ATAD3B: variants seen among roughly 807,000 people sequenced by gnomAD.
ATAD3B encodes the protein ATPase family AAA domain-containing protein 3B.
ATAD3B carries 59 observed loss-of-function variants against 70.2 expected under a neutral mutation model. That is an observed-to-expected ratio of 0.84 (90% CI 0.68 to 1.04). ATAD3B has a LOEUF of 1.04. Among genes scored for constraint, ATAD3B ranks in the 50% least tolerant of loss-of-function variants. The probability of loss-of-function intolerance (pLI) is 0.00; values close to 1 mark genes in which losing one functional copy is unlikely to be tolerated. For synonymous variants in ATAD3B, 423 were observed against 388.6 expected (o/e 1.09, Z -1.04); for missense variants, 961 against 913.4 (o/e 1.05, Z -0.67).
downstream of ATAD3B, among the ~76,000 whole-genome samples, chr1:1,499,906 T>C (rs1003615473): frequency 4.7e-5 from 7 of 148,320 alleles, no homozygotes; most frequent in African/African-American, 1.5e-4. Context: ...TTTTTTTTTT[T>C]CTTTTTGAGA....
chr1:1,488,309 G>T (rs1369755314), intron 12 of ATAD3B, among the ~76,000 whole-genome samples: 1 of 151,856 alleles, frequency 6.6e-6, no homozygotes, highest in Non-Finnish European at 1.5e-5. Context: ...GAGTGCAGGG[G>T]CGACATCTCC....
At chr1:1,491,025 GC>G (rs1216006239) in intron 15 of ATAD3B, among the ~76,000 whole-genome samples, 18 of 152,004 alleles carry the variant, frequency 1.2e-4, no homozygotes, top group South Asian at 2.1e-4. Context: ...GTCAGGACAG[GC>G]CCCGTGTGAG....
Position 1,486,458 on chromosome 1 carries a change from G to T in ATAD3B, c.1090-86G>T, listed in dbSNP as rs1455416919. 2.4e-4 allele frequency: 386 copies of T among 1,609,824 alleles called. 7 individuals carry two copies. The highest frequency in any genetic ancestry group is 3.0e-4 in the Non-Finnish European group (358 of 1,179,058). On this transcript the variant is annotated intron_variant, in intron 10 of 15. Transcript: ENST00000673477. ...GGCTTCCAGACAGGGACACCCGGCA[G>T]GGGCTCCACACTCCAGGTGGAGTGT...
At position 1,478,669 on chromosome 1, in the gene ATAD3B, T is replaced by A. The variant is rs756651165; in HGVS notation, c.308T>A (p.Leu103His). The A allele has an allele frequency of 6.5e-7, 1 of 1,544,608 alleles. No homozygotes were observed. Among genetic ancestry groups the A allele is most frequent in the South Asian group, 1.2e-5 (1 of 83,716 alleles). Reference sequence around the variant, plus strand: ...GAGTATGAGGCCGCCGTGGAGCAGCTCAAGAGCGAGCAGATCCGGGCGCAG... The same window carrying A: ...GAGTATGAGGCCGCCGTGGAGCAGCACAAGAGCGAGCAGATCCGGGCGCAG... ...LKEYEAAVEQLKSEQIRAQAE... is the reference protein window; with the variant it reads ...LKEYEAAVEQHKSEQIRAQAE... Residue 103 changes from leucine to histidine, a missense_variant, in exon 3 of 16, where the codon CTC becomes CAC. Coordinates refer to ENST00000673477, the MANE Select transcript of ATAD3B (RefSeq NM_031921.6).
Position 1,496,104 on chromosome 1 carries a change from C to T in ATAD3B, c.*287C>T. ...CCAGCCATGGCCAGGGGCCACGGAACCCGGCAGGGGTGTCTGAGGCCGCCC... is the reference window on the plus strand; with the variant it reads ...CCAGCCATGGCCAGGGGCCACGGAATCCGGCAGGGGTGTCTGAGGCCGCCC... On this transcript the variant is annotated 3_prime_UTR_variant, in exon 16 of 16. Coordinates refer to ENST00000673477, the MANE Select transcript of ATAD3B (RefSeq NM_031921.6). 8.5e-7 allele frequency: 1 copy of T among 1,183,408 alleles called. No individual in the cohort carries two copies. The highest frequency in any genetic ancestry group is 1.0e-6 in the Non-Finnish European group (1 of 953,016). 73.3% of individuals were successfully genotyped at this position (1,183,408 alleles called of 1,614,324 possible).
At position 1,480,611 on chromosome 1, in the gene ATAD3B, G is replaced by T. The variant is rs200452402; in HGVS notation, c.445-256G>T. Among the ~76,000 whole-genome samples, 83 of 147,030 alleles carry T rather than the reference G, an allele frequency of 5.6e-4. 6 individuals carry two copies. Among genetic ancestry groups the T allele is most frequent in the African/African-American group, 2.0e-3 (77 of 39,398 alleles). On this transcript the variant is annotated intron_variant, in intron 4 of 15. Transcript: ENST00000673477. ...CAGTGGTGTTGGGAGGTCGGCCCGC[G>T]GTGGCCCTTGTCAGGGAAGCCACAG...
chr1:1,489,241 C>G lies in ATAD3B; in HGVS notation c.1304C>G (p.Ala435Gly). Reference protein sequence around the residue: ...ISKDLRATLNAFLYHMGQHSN... With the variant: ...ISKDLRATLNGFLYHMGQHSN... ...AAGGACCTCAGAGCCACACTGAACG[C>G]CTTCCTGTACCACATGGGCCAACAC... The change falls in exon 13 of 16, where the codon GCC becomes GGC. Residue 435 changes from alanine to glycine, a missense_variant. Around this residue, in one of 4 missense-constraint regions of ATAD3B, gnomAD observed 417 missense variants for 335.0 expected, o/e 1.24. Transcript: ENST00000673477. 1 of 1,613,610 alleles carries G rather than the reference C, an allele frequency of 6.2e-7. No individual in the cohort carries two copies. Among genetic ancestry groups the G allele is most frequent in the Admixed American group, 1.7e-5 (1 of 60,000 alleles).
At chr1:1,485,910 G>C in intron 9 of ATAD3B, 72 bp downstream of exon 9, 5 of 1,609,574 alleles carry the variant, frequency 3.1e-6, no homozygotes, top group Non-Finnish European at 4.2e-6. Context: ...TGTGGCCCTT[G>C]CTAGCGCTCG....
rs142126053 is a variant in ATAD3B, at chr1:1,487,914, T to C, written c.1266T>C (p.Thr422=). 301 of 1,613,106 alleles carry C rather than the reference T, an allele frequency of 1.9e-4. 3 individuals carry two copies. The African/African-American group carries it at 2.4e-3, about 13-fold the overall frequency. Reference sequence around the variant, plus strand: ...ACGCCTTCCTTCGGAAGCGAGCCACTGTGAGTGTCACTAAGCCTCTGTCTG... The same window carrying C: ...ACGCCTTCCTTCGGAAGCGAGCCACCGTGAGTGTCACTAAGCCTCTGTCTG... ...EADAFLRKRA[T]EEISKDLRAT... The change falls in exon 12 of 16, where the codon ACT becomes ACC. Residue 422 remains threonine, a splice_region_variant and synonymous_variant. Coordinates refer to ENST00000673477, the MANE Select transcript of ATAD3B (RefSeq NM_031921.6).
Position 1,496,135 on chromosome 1 carries a change from G to A in ATAD3B, c.*318G>A. ...AGGGGTGTCTGAGGCCGCCCTGTCA[G>A]CTGGCCGGTCCAAGCCTGTGGCTGG... is the stretch of plus-strand genomic sequence containing the variant. On this transcript the variant is annotated 3_prime_UTR_variant, in exon 16 of 16. Coordinates refer to ENST00000673477, the MANE Select transcript of ATAD3B (RefSeq NM_031921.6). 1.8e-6 allele frequency: 2 copies of A among 1,123,154 alleles called. No individual in the cohort carries two copies. Among genetic ancestry groups the A allele is most frequent in the Non-Finnish European group, 2.2e-6 (2 of 916,172 alleles). 69.6% of individuals were successfully genotyped at this position (1,123,154 alleles called of 1,614,324 possible). A position where few individuals can be genotyped will look rare whatever the true frequency, so the allele number is the denominator to read the frequency against.
intron 8 of ATAD3B, 103 bp from the exon 9 acceptor site, chr1:1,485,679 G>A (rs1640169252): frequency 1.3e-6 from 2 of 1,536,168 alleles, no homozygotes; most frequent in African/African-American, 1.4e-5. Context: ...CTGTGCTTTG[G>A]GGCAGCTCCG....
intron 12 of ATAD3B, among the ~76,000 whole-genome samples, chr1:1,488,452 T>A (rs1274984401): frequency 3.4e-4 from 52 of 151,924 alleles, no homozygotes; most frequent in Non-Finnish European, 4.4e-5. Flanking sequence ...GGCTCAAACT[T>A]CTGAACTAAA....
Position 1,484,954 on chromosome 1 carries a change from C to G in ATAD3B, c.751-62C>G, listed in dbSNP as rs1360738483. 3.9e-6 allele frequency: 6 copies of G among 1,547,240 alleles called. No individual in the cohort carries two copies. In the African/African-American group the frequency reaches 8.2e-5, roughly 21 times the overall value. On this transcript the variant is annotated intron_variant, in intron 7 of 15. Transcript: ENST00000673477. Reference sequence around the variant, plus strand: ...AGAGGGTGGGGGCAGCCCCGTGCGTCTCCTGCTCTAGGAGGGAGGGACGGT... The same window carrying G: ...AGAGGGTGGGGGCAGCCCCGTGCGTGTCCTGCTCTAGGAGGGAGGGACGGT...
Position 1,490,431 on chromosome 1 carries a change from G to A in ATAD3B, c.1505+7G>A, listed in dbSNP as rs571194880. 4.3e-6 allele frequency: 7 copies of A among 1,613,030 alleles called. No individual in the cohort carries two copies. The African/African-American group carries it at 9.3e-5, about 21-fold the overall frequency. ...CGGCCACAGAAGGAAAACGGTGAGTGTCCCGCCTCACCCGGCCCCCAATCC... is the reference window on the plus strand; with the variant it reads ...CGGCCACAGAAGGAAAACGGTGAGTATCCCGCCTCACCCGGCCCCCAATCC... On this transcript the variant is annotated splice_region_variant and intron_variant, in intron 14 of 15. Transcript: ENST00000673477.
chr1:1,472,756 G>T (rs1194970733), intron 1 of ATAD3B, among the ~76,000 whole-genome samples: 7 of 152,042 alleles, frequency 4.6e-5, no homozygotes, highest in African/African-American at 1.7e-4. Context: ...CAAATGGCTA[G>T]GAGTCTGGAA....
chr1:1,487,403 G>C (rs1483283146), intron 11 of ATAD3B, among the ~76,000 whole-genome samples: 1 of 151,594 alleles, frequency 6.6e-6, no homozygotes, highest in Non-Finnish European at 1.5e-5. Flanking sequence ...CAGGAGAATG[G>C]CGTGAACCCG....
chr1:1,488,771 G>A (rs1640372565), intron 12 of ATAD3B, among the ~76,000 whole-genome samples: 1 of 151,892 alleles, frequency 6.6e-6, no homozygotes, highest in East Asian at 1.9e-4. Flanking sequence ...AAAAAAAAGC[G>A]AGAGATTTGA....
intron 7 of ATAD3B, chr1:1,483,574 C>G (rs1640039924): frequency 6.0e-6 from 1 of 165,868 alleles, no homozygotes; most frequent in African/African-American, 2.4e-5. Context: ...AAGTTCATGA[C>G]CAGCCTGGCC....
chr1:1,491,450 G>A (rs1392643387), intron 15 of ATAD3B, among the ~76,000 whole-genome samples: 1 of 151,992 alleles, frequency 6.6e-6, no homozygotes, highest in Admixed American at 6.6e-5. Flanking sequence ...AGAATTGCTT[G>A]ACCCGGGGAG....
Sources: gnomAD v4.1 joint callset for allele counts (sites outside exome capture counted in the v4.1 genomes callset) on GRCh38, gnomAD v4.1.1 for gene constraint, gnomAD v4.1.1 regional missense constraint, MANE v1.5 for transcripts, NCBI Gene and HGNC (gene_info 2026-07-23, HGNC 2026-07-21) for gene names.